Variants in QKI observed in about 807,000 individuals in gnomAD.
QKI encodes KH domain-containing RNA-binding protein QKI.
Under a neutral mutation model 39.0 loss-of-function variants are expected in QKI, and 10 were observed. The ratio of observed to expected loss-of-function variants is 0.26; its 90% confidence interval spans 0.16 to 0.43. The LOEUF (loss-of-function observed/expected upper bound fraction) is 0.43. Ranked by LOEUF, QKI falls within the 20% of genes least tolerant of loss-of-function variation. QKI has a pLI of 1.00. For missense variants in QKI, 218 were observed against 428.0 expected, an observed-to-expected ratio of 0.51 and a Z score of 4.33; for synonymous variants, 204 against 155.4, an observed-to-expected ratio of 1.31 and a Z score of -2.33.
chr6:163,489,524 G>C lies in QKI; in HGVS notation c.402+10628G>C, dbSNP rs190237867. On this transcript the variant is annotated intron_variant, in intron 3 of 7. Transcript: ENST00000361752. ...TTCAGTTTCCCAACTATTGTTTGTA[G>C]TGCGTTTTTTAATATTCTGACTGAA... 5.9e-3 allele frequency among the ~76,000 whole-genome samples: 882 copies of C among 150,762 alleles called. 2 individuals are homozygous for C. Among genetic ancestry groups the C allele is most frequent in the Non-Finnish European group, 8.7e-3 (589 of 67,962 alleles).
intron 4 of QKI, among the ~76,000 whole-genome samples, chr6:163,554,678 T>C (rs902448858): frequency 6.6e-6 from 1 of 152,268 alleles, no homozygotes; most frequent in African/African-American, 2.4e-5. Context: ...TCTACTTTAT[T>C]GCTTAAATCA....
chr6:163,568,092 T>A (rs1446497679), intron 7 of QKI: 1 of 985,308 alleles, frequency 1.0e-6, no homozygotes, highest in Non-Finnish European at 1.2e-6. Context: ...TGGTATTCCT[T>A]GTAAGTGTTC....
rs555307924 is a variant in QKI, at chr6:163,472,074, T to TA, written c.286-6700dup. ...TGAGGGGCACTGACTCCCTTTGCGGTAAAAAATCCACGTATAACTTTTAAC... is the reference window on the plus strand; with the variant it reads ...TGAGGGGCACTGACTCCCTTTGCGGTAAAAAAATCCACGTATAACTTTTAAC... On this transcript the variant is annotated intron_variant, in intron 2 of 7. Coordinates refer to ENST00000361752, the MANE Select transcript of QKI (RefSeq NM_006775.3). Among the ~76,000 whole-genome samples the TA allele has an allele frequency of 1.9e-3, 292 of 152,186 alleles. 1 individual carries two copies. Among genetic ancestry groups the TA allele is most frequent in the Non-Finnish European group, 2.6e-3 (176 of 68,004 alleles).
At chr6:163,448,336 T>G (rs776021642) in intron 1 of QKI, among the ~76,000 whole-genome samples, 4 of 109,608 alleles carry the variant, frequency 3.6e-5, no homozygotes, top group Admixed American at 8.6e-5. Context: ...ATAGCTTGGG[T>G]TTTTTTTTTT....
At chr6:163,460,715 A>G (rs1443033357) in intron 2 of QKI, among the ~76,000 whole-genome samples, 1 of 152,080 alleles carries the variant, frequency 6.6e-6, no homozygotes, top group Non-Finnish European at 1.5e-5. Context: ...CGGCCTTCTT[A>G]TTGTTGAAGG....
intron 1 of QKI, among the ~76,000 whole-genome samples, chr6:163,421,603 A>G (rs1254651348): frequency 2.6e-5 from 4 of 152,170 alleles, no homozygotes; most frequent in Non-Finnish European, 4.4e-5. Flanking sequence ...GCTGAGTATA[A>G]TCATATGTGG....
At chr6:163,532,620 C>T (rs1780933311) in intron 3 of QKI, among the ~76,000 whole-genome samples, 1 of 152,202 alleles carries the variant, frequency 6.6e-6, no homozygotes, top group East Asian at 1.9e-4. Flanking sequence ...CAAGACCTTT[C>T]TGTGTCCCTT....
At chr6:163,438,783 G>A (rs1396570298) in intron 1 of QKI, among the ~76,000 whole-genome samples, 3 of 150,478 alleles carry the variant, frequency 2.0e-5, no homozygotes, top group African/African-American at 7.3e-5. Flanking sequence ...ATACTACTGT[G>A]GATTTAATAA....
At chr6:163,470,095 A>G (rs1792072127) in intron 2 of QKI, among the ~76,000 whole-genome samples, 1 of 152,164 alleles carries the variant, frequency 6.6e-6, no homozygotes, top group African/African-American at 2.4e-5. Flanking sequence ...TTACTAGTTC[A>G]TGGTCTTCAG....
rs1783825521 is a variant in QKI, at chr6:163,573,691, T to TG, written c.*2984dup. On this transcript the variant is annotated 3_prime_UTR_variant, in exon 8 of 8. Coordinates refer to ENST00000361752, the MANE Select transcript of QKI (RefSeq NM_006775.3). ...AATGAATGAATACATTAGACACTTT[T>TG]GGGTTTTAGTTGGGATTTTACATAG... 2.6e-5 allele frequency: 4 copies of TG among 152,240 alleles called. No homozygotes were observed. In the South Asian group the frequency reaches 6.2e-4, roughly 24 times the overall value. The allele number at this position is 152,240 out of a possible 1,614,324, so 9.4% of individuals were successfully genotyped here.
At chr6:163,500,973 A>G (rs1778720930) in intron 3 of QKI, among the ~76,000 whole-genome samples, 1 of 152,156 alleles carries the variant, frequency 6.6e-6, no homozygotes, top group Admixed American at 6.5e-5. Flanking sequence ...ACCCACATGT[A>G]GCTTCTGATA....
At chr6:163,423,872 A>G (rs921214249) in intron 1 of QKI, among the ~76,000 whole-genome samples, 2 of 152,236 alleles carry the variant, frequency 1.3e-5, no homozygotes, top group African/African-American at 4.8e-5. Flanking sequence ...ATAGAGAAGT[A>G]TGCTATTGCT....
chr6:163,460,079 T>G (rs1190593123), intron 2 of QKI, among the ~76,000 whole-genome samples: 2 of 152,234 alleles, frequency 1.3e-5, no homozygotes, highest in African/African-American at 4.8e-5. Context: ...GCCAGAGTAG[T>G]AGACTTGATA....
At chr6:163,564,704 C>G in intron 6 of QKI, 1 of 1,613,868 alleles carries the variant, frequency 6.2e-7, no homozygotes, top group Non-Finnish European at 8.5e-7. Context: ...ATATTTCAGC[C>G]CATTGACTTG....
intron 3 of QKI, among the ~76,000 whole-genome samples, chr6:163,502,446 C>A (rs1241896490): frequency 1.3e-5 from 2 of 152,036 alleles, no homozygotes; most frequent in African/African-American, 4.8e-5. Flanking sequence ...CCCATTTGAA[C>A]CTAATGTTGA....
chr6:163,529,113 G>A (rs1482774691), intron 3 of QKI, among the ~76,000 whole-genome samples: 2 of 152,092 alleles, frequency 1.3e-5, no homozygotes, highest in African/African-American at 4.8e-5. Flanking sequence ...AGAAAATCTG[G>A]GAGAATTGAC....
At chr6:163,541,635 C>A (rs9458853) in intron 4 of QKI, among the ~76,000 whole-genome samples, 1 of 151,812 alleles carries the variant, frequency 6.6e-6, no homozygotes, top group African/African-American at 2.4e-5. Context: ...TTGGTGTACA[C>A]ATGTACATGC....
intron 4 of QKI, among the ~76,000 whole-genome samples, chr6:163,537,904 C>T (rs1017349074): frequency 2.0e-5 from 3 of 152,116 alleles, no homozygotes. Flanking sequence ...GTGGTGCCTT[C>T]TTACTCTGAG....
intron 2 of QKI, among the ~76,000 whole-genome samples, chr6:163,469,965 G>A (rs1293318158): frequency 6.6e-6 from 1 of 152,146 alleles, no homozygotes; most frequent in Non-Finnish European, 1.5e-5. Flanking sequence ...GTAGACTTGT[G>A]TTTGTTAAGG....
Sources: allele counts gnomAD v4.1 joint callset (sites outside exome capture counted in the v4.1 genomes callset), GRCh38; gene constraint gnomAD v4.1.1; transcripts MANE v1.5; gene names NCBI Gene and HGNC (gene_info 2026-07-23, HGNC 2026-07-21).